Variants in CCDC148 observed in about 807,000 individuals in gnomAD.
The protein encoded by CCDC148 is coiled-coil domain containing 148.
Under a neutral mutation model 85.7 loss-of-function variants are expected in CCDC148, and 89 were observed. The ratio of observed to expected loss-of-function variants is 1.04; its 90% confidence interval spans 0.87 to 1.24. The LOEUF (loss-of-function observed/expected upper bound fraction) is 1.24, where lower values mean the gene tolerates loss of function less well. CCDC148 is among the 50% of genes most tolerant of loss of function. The pLI is 0.00. For missense variants in CCDC148, 692 were observed against 671.7 expected (o/e 1.03, Z -0.33); for synonymous variants, 230 against 213.9 (o/e 1.08, Z -0.66).
intron 9 of CCDC148, among the ~76,000 whole-genome samples, chr2:158,279,878 A>G (rs978665181): frequency 1.7e-4 from 26 of 151,590 alleles, no homozygotes; most frequent in Middle Eastern, 3.4e-3. Flanking sequence ...GCCAGAGAGA[A>G]AGGTCGGGTT....
intron 9 of CCDC148, among the ~76,000 whole-genome samples, chr2:158,264,358 G>A (rs1192218722): frequency 6.6e-6 from 1 of 151,984 alleles, no homozygotes. Context: ...GACCAAGAAT[G>A]GAATGTGATT....
intron 10 of CCDC148, among the ~76,000 whole-genome samples, chr2:158,238,600 T>C (rs1688213711): frequency 6.6e-6 from 1 of 152,148 alleles, no homozygotes; most frequent in African/African-American, 2.4e-5. Context: ...CCTGTAAGTG[T>C]TTACACATCA....
At chr2:158,383,526 CTT>C (rs1684964242) in intron 1 of CCDC148, among the ~76,000 whole-genome samples, 2 of 151,870 alleles carry the variant, frequency 1.3e-5, no homozygotes, top group East Asian at 3.9e-4. Context: ...TTATTGTCTT[CTT>C]TGTGTTCCAT....
At chr2:158,281,399 A>G (rs1690291113) in intron 9 of CCDC148, among the ~76,000 whole-genome samples, 2 of 152,184 alleles carry the variant, frequency 1.3e-5, no homozygotes. Context: ...TAAAGTAGAA[A>G]AGAGAGAAGA....
intron 2 of CCDC148, among the ~76,000 whole-genome samples, chr2:158,353,604 T>G (rs1574676484): frequency 1.3e-5 from 2 of 152,058 alleles, no homozygotes; most frequent in Middle Eastern, 3.4e-3. Context: ...ACAAAGAGAC[T>G]TAGACTCCCA....
chr2:158,435,981 T>C (rs1194355609), intron 1 of CCDC148, among the ~76,000 whole-genome samples: 1 of 152,146 alleles, frequency 6.6e-6, no homozygotes, highest in East Asian at 1.9e-4. Context: ...ATAAAGCAAG[T>C]TCTTAGAGAC....
In CCDC148 at chr2:158,171,934, T is replaced by C. The variant is rs1574329157; in HGVS notation, c.*179A>G. On this transcript the variant is annotated 3_prime_UTR_variant, in exon 14 of 14. Transcript: ENST00000283233. ...AGTACTATTAAATATAACTTAAAGA[T>C]ACAGGAAATATAGTGCATAAAATTC... is the stretch of plus-strand genomic sequence containing the variant. 4.1e-6 allele frequency: 2 copies of C among 492,316 alleles called. No homozygotes were observed. The highest frequency in any genetic ancestry group is 7.1e-5 in the East Asian group (2 of 27,992). 30.5% of individuals were successfully genotyped at this position (492,316 alleles called of 1,614,324 possible).
intron 11 of CCDC148, among the ~76,000 whole-genome samples, chr2:158,195,275 T>C (rs1427095516): frequency 6.6e-6 from 1 of 152,032 alleles, no homozygotes; most frequent in East Asian, 1.9e-4. Context: ...CATATATTCA[T>C]TGGCTTATAT....
intron 1 of CCDC148, among the ~76,000 whole-genome samples, chr2:158,438,577 T>C (rs1308284242): frequency 2.0e-5 from 3 of 152,206 alleles, no homozygotes; most frequent in Non-Finnish European, 1.5e-5. Context: ...AAGGACTTCA[T>C]GTCCAAAACA....
chr2:158,302,024 C>T (rs1011746280), intron 9 of CCDC148, among the ~76,000 whole-genome samples: 4 of 152,088 alleles, frequency 2.6e-5, no homozygotes, highest in African/African-American at 9.7e-5. Flanking sequence ...GGAAACACTA[C>T]AAAGAATAAG....
At chr2:158,210,876 G>A (rs137996997) in intron 11 of CCDC148, among the ~76,000 whole-genome samples, 2 of 149,184 alleles carry the variant, frequency 1.3e-5, no homozygotes, top group Non-Finnish European at 3.0e-5. Context: ...GGAGAATGGC[G>A]TGAATCTGGG....
intron 7 of CCDC148, among the ~76,000 whole-genome samples, chr2:158,330,711 T>C (rs1352712435): frequency 6.6e-6 from 1 of 152,216 alleles, no homozygotes; most frequent in African/African-American, 2.4e-5. Context: ...TATTCAGAGA[T>C]TCAACTTCTT....
intron 1 of CCDC148, among the ~76,000 whole-genome samples, chr2:158,362,876 C>A (rs567023899): frequency 3.9e-5 from 6 of 152,158 alleles, no homozygotes; most frequent in Admixed American, 2.0e-4. Flanking sequence ...ATCCATAAAT[C>A]CAGGAGCTGA....
intron 2 of CCDC148, among the ~76,000 whole-genome samples, chr2:158,354,173 A>G (rs1418255652): frequency 6.6e-6 from 1 of 151,768 alleles, no homozygotes; most frequent in Non-Finnish European, 1.5e-5. Context: ...AAGAACTAGA[A>G]AAGCAAGAGC....
At chr2:158,229,287 T>G (rs1687732203) in intron 10 of CCDC148, among the ~76,000 whole-genome samples, 1 of 152,200 alleles carries the variant, frequency 6.6e-6, no homozygotes, top group Admixed American at 6.5e-5. Context: ...TATATAATGT[T>G]ATTTCCCTAG....
intron 9 of CCDC148, among the ~76,000 whole-genome samples, chr2:158,287,853 G>T (rs575776192): frequency 6.6e-6 from 1 of 152,144 alleles, no homozygotes; most frequent in Non-Finnish European, 1.5e-5. Context: ...CAGCTTCAAC[G>T]CCACATTTCT....
intron 1 of CCDC148, among the ~76,000 whole-genome samples, chr2:158,397,954 CAAGAA>C (rs1332517526): frequency 1.3e-5 from 2 of 150,408 alleles, no homozygotes; most frequent in Non-Finnish European, 3.0e-5. Flanking sequence ...AACAAACAAA[CAAGAA>C]AAGCAAGGAT....
intron 10 of CCDC148, among the ~76,000 whole-genome samples, chr2:158,241,656 A>G (rs1688356169): frequency 6.6e-6 from 1 of 152,150 alleles, no homozygotes; most frequent in Non-Finnish European, 1.5e-5. Flanking sequence ...ACACAATCTT[A>G]TTGTGAATGT....
chr2:158,318,831 G>A (rs372029870), intron 7 of CCDC148, among the ~76,000 whole-genome samples: 1 of 151,850 alleles, frequency 6.6e-6, no homozygotes, highest in African/African-American at 2.4e-5. Context: ...GTGCAGTGGC[G>A]TGATCATGGC....
Sources: gnomAD v4.1 joint callset for allele counts (sites outside exome capture counted in the v4.1 genomes callset) on GRCh38, gnomAD v4.1.1 for gene constraint, MANE v1.5 for transcripts, NCBI Gene and HGNC (gene_info 2026-07-23, HGNC 2026-07-21) for gene names.